The following XPA variants were observed in gnomAD, a reference collection of about 807,000 sequenced individuals.
The protein encoded by XPA is DNA repair protein complementing XP-A cells.
In XPA, 27 loss-of-function variants were observed where a neutral mutation model predicts 35.7. That is an observed-to-expected ratio of 0.76 (90% CI 0.56 to 1.04). The LOEUF (loss-of-function observed/expected upper bound fraction) is 1.04. XPA is among the 50% of genes least tolerant of loss of function. The pLI is 0.00. For missense variants in XPA, 354 were observed against 342.7 expected (o/e 1.03, Z -0.26); for synonymous variants, 133 against 118.4 (o/e 1.12, Z -0.80).
chr9:97,687,144 A>C lies in XPA; in HGVS notation c.507T>G (p.Asn169Lys). The C allele has an allele frequency of 2.5e-6, 4 of 1,612,924 alleles. No individual in the cohort carries two copies. The highest frequency in any genetic ancestry group is 2.5e-6 in the Non-Finnish European group (3 of 1,179,718). Reference sequence around the variant, plus strand: ...TATCACCCCATTGTGAATGATGTGGATTCTTCTTCACAATAAATTTAAGAG... The same window carrying C: ...TATCACCCCATTGTGAATGATGTGGCTTCTTCTTCACAATAAATTTAAGAG... ...EPPLKFIVKK[N>K]PHHSQWGDMK... is the part of the protein sequence containing the mutation. The change falls in exon 4 of 6, where the codon AAT (asparagine) becomes AAG (lysine). Residue 169 changes from asparagine (N) to lysine (K), a missense_variant. By Grantham distance (94) the Asn-to-Lys change is moderately conservative (BLOSUM62 0). Coordinates refer to ENST00000375128, the MANE Select transcript of XPA (RefSeq NM_000380.4).
chr9:97,655,994 C>A, the XPA span: 1 of 1,608,764 alleles, frequency 6.2e-7, no homozygotes, highest in African/African-American at 1.3e-5. Context: ...ATTGATAAAA[C>A]TACATTTCCT....
chr9:97,654,603 G>C, the XPA span, among the ~76,000 whole-genome samples: 1 of 151,802 alleles, frequency 6.6e-6, no homozygotes, highest in Non-Finnish European at 1.5e-5. Flanking sequence ...TAAGCACAAT[G>C]AAACAATGTA....
At chr9:97,684,278 A>C (rs1235799105) in intron 5 of XPA, among the ~76,000 whole-genome samples, 2 of 152,236 alleles carry the variant, frequency 1.3e-5, no homozygotes, top group African/African-American at 4.8e-5. Context: ...ACATACAGAC[A>C]GACTTAACAG....
chr9:97,682,526 A>G, intron 5 of XPA: 1 of 491,254 alleles, frequency 2.0e-6, no homozygotes, highest in Non-Finnish European at 4.0e-6. Flanking sequence ...ATGTTACAGA[A>G]CTTAGGTATT....
intron 5 of XPA, among the ~76,000 whole-genome samples, chr9:97,682,991 C>G (rs1346226461): frequency 6.6e-6 from 1 of 152,080 alleles, no homozygotes; most frequent in Non-Finnish European, 1.5e-5. Flanking sequence ...TGACACTGAC[C>G]AAATTACAGA....
the XPA span, chr9:97,661,078 A>G: frequency 6.2e-7 from 1 of 1,611,156 alleles, no homozygotes; most frequent in Non-Finnish European, 8.5e-7. Flanking sequence ...GGTAAGTGGA[A>G]TTCAGTATTT....
chr9:97,670,188 G>A (rs540088514), downstream of XPA: 5 of 214,186 alleles, frequency 2.3e-5, no homozygotes, highest in South Asian at 4.1e-4. Context: ...GTGCTGCTGG[G>A]ATTATAGGCG....
chr9:97,697,334 G>A lies in XPA; in HGVS notation c.-42C>T, dbSNP rs762142689. 2.7e-5 allele frequency: 43 copies of A among 1,595,064 alleles called. No individual in the cohort carries two copies. Among genetic ancestry groups the A allele is most frequent in the Non-Finnish European group, 3.3e-5 (39 of 1,178,532 alleles). On this transcript the variant is annotated 5_prime_UTR_variant, in exon 1 of 6. Transcript: ENST00000375128. ...GGACCTAGCTCCCAGCTCCACGCAC[G>A]CGCACTGCACGCCGAGGCGAGCCAG...
At chr9:97,658,123 A>G in the XPA span, among the ~76,000 whole-genome samples, 4 of 151,872 alleles carry the variant, frequency 2.6e-5, no homozygotes, top group South Asian at 2.1e-4. Context: ...TGATATGCTC[A>G]TTGCCATTGG....
At chr9:97,688,474 T>G (rs751253321) in intron 3 of XPA, among the ~76,000 whole-genome samples, 6 of 152,258 alleles carry the variant, frequency 3.9e-5, no homozygotes, top group Admixed American at 1.3e-4. Context: ...TAATCATATC[T>G]GCAAAGTCCT....
At chr9:97,655,688 C>G in the XPA span, 2 of 1,601,046 alleles carry the variant, frequency 1.2e-6, no homozygotes, top group Non-Finnish European at 1.7e-6. Context: ...CCTACCTCCC[C>G]CTTCTCTACG....
At chr9:97,659,262 A>G in the XPA span, among the ~76,000 whole-genome samples, 1 of 152,230 alleles carries the variant, frequency 6.6e-6, no homozygotes, top group Admixed American at 6.5e-5. Flanking sequence ...GTAAAGTATT[A>G]TACATTGTTG....
the XPA span, among the ~76,000 whole-genome samples, chr9:97,659,793 T>G: frequency 0.035 from 5,305 of 152,338 alleles, 135 homozygotes; most frequent in Non-Finnish European, 0.052. Flanking sequence ...GATTAAGCTT[T>G]CTTTTTGCCC....
chr9:97,686,701 A>C lies in XPA; in HGVS notation c.555+395T>G, dbSNP rs3176681. On this transcript the variant is annotated intron_variant, in intron 4 of 5. Coordinates refer to ENST00000375128, the MANE Select transcript of XPA (RefSeq NM_000380.4). ...CAGCACTTTGCGAGGCCAAAGCAGG[A>C]GGATCACTTGAGCCCTGGAGTTCGA... 2.5e-3 allele frequency among the ~76,000 whole-genome samples: 387 copies of C among 152,226 alleles called. 2 individuals are homozygous for C. Among genetic ancestry groups the C allele is most frequent in the Non-Finnish European group, 3.2e-3 (221 of 68,012 alleles).
At chr9:97,658,181 A>C in the XPA span, among the ~76,000 whole-genome samples, 1 of 151,940 alleles carries the variant, frequency 6.6e-6, no homozygotes, top group Non-Finnish European at 1.5e-5. Context: ...CCATCCATCC[A>C]TAACTGTTTT....
intron 5 of XPA, chr9:97,682,082 CTATCTA>C: frequency 3.3e-6 from 1 of 302,394 alleles, no homozygotes; most frequent in Non-Finnish European, 6.4e-6. Context: ...ATCTATCTAT[CTATCTA>C]TACACACCTT....
the XPA span, among the ~76,000 whole-genome samples, chr9:97,661,590 G>A: frequency 6.6e-6 from 1 of 151,916 alleles, no homozygotes; most frequent in Admixed American, 6.6e-5. Context: ...GTGGCCTTTG[G>A]GTATTTATTA....
At chr9:97,681,694 C>G (rs953172795) in intron 5 of XPA, among the ~76,000 whole-genome samples, 1 of 152,084 alleles carries the variant, frequency 6.6e-6, no homozygotes, top group African/African-American at 2.4e-5. Context: ...CTGAACGTTC[C>G]CATCTAATAT....
At chr9:97,682,743 G>T (rs1413172520) in intron 5 of XPA, among the ~76,000 whole-genome samples, 1 of 152,178 alleles carries the variant, frequency 6.6e-6, no homozygotes, top group Non-Finnish European at 1.5e-5. Context: ...ACAATTGACA[G>T]TAGCTTATCT....
Sources: allele counts gnomAD v4.1 joint callset (sites outside exome capture counted in the v4.1 genomes callset), GRCh38; gene constraint gnomAD v4.1.1; transcripts MANE v1.5; gene names NCBI Gene and HGNC (gene_info 2026-07-23, HGNC 2026-07-21).